Variants in BRWD1 observed in about 807,000 individuals in gnomAD.
The protein encoded by BRWD1 is bromodomain and WD repeat-containing protein 1.
In BRWD1, 82 loss-of-function variants were observed where a neutral mutation model predicts 251.2. The observed-to-expected ratio is 0.33, with a 90% confidence interval of 0.27 to 0.39. The LOEUF (loss-of-function observed/expected upper bound fraction) is 0.39. Among genes scored for constraint, BRWD1 ranks in the 10% least tolerant of loss-of-function variants. The pLI, the probability that BRWD1 is intolerant of heterozygous loss-of-function variation, is 1.00. For synonymous variants in BRWD1, 918 were observed against 902.8 expected, an observed-to-expected ratio of 1.02 and a Z score of -0.30; for missense variants, 2,233 against 2,711.6, an observed-to-expected ratio of 0.82 and a Z score of 3.92.
chr21:39,254,973 A>G (rs950514539), intron 19 of BRWD1, among the ~76,000 whole-genome samples: 2 of 152,214 alleles, frequency 1.3e-5, no homozygotes, highest in African/African-American at 4.8e-5. Context: ...TTAAGGTGTG[A>G]TAACAGCATT....
chr21:39,292,770 A>C (rs562872594), intron 8 of BRWD1, among the ~76,000 whole-genome samples: 1 of 152,344 alleles, frequency 6.6e-6, no homozygotes, highest in South Asian at 2.1e-4. Flanking sequence ...AACTGCATAG[A>C]TAGGTGAAAT....
chr21:39,193,403 A>T lies in BRWD1; in HGVS notation c.*2856T>A. The stretch of plus-strand genomic sequence containing the variant: ...ATAAGTTACTTCACATTGTAAGTAT[A>T]CCTTTTTAAATAAGGAGGACACGAA... On this transcript the variant is annotated 3_prime_UTR_variant, in exon 41 of 41. Transcript: ENST00000342449. 1 of 984,596 alleles carries T rather than the reference A, an allele frequency of 1.0e-6. No homozygotes were observed. Among genetic ancestry groups the T allele is most frequent in the Non-Finnish European group, 1.2e-6 (1 of 829,178 alleles). The allele number at this position is 984,596 out of a possible 1,614,324, so 61.0% of individuals were successfully genotyped here.
intron 23 of BRWD1, among the ~76,000 whole-genome samples, chr21:39,236,235 T>G (rs981832977): frequency 6.6e-6 from 1 of 151,888 alleles, no homozygotes; most frequent in African/African-American, 2.4e-5. Flanking sequence ...AGCAAAGGCC[T>G]CCCCCATAAG....
At chr21:39,257,133 CA>C (rs1187657201) in intron 18 of BRWD1, among the ~76,000 whole-genome samples, 1 of 147,416 alleles carries the variant, frequency 6.8e-6, no homozygotes, top group Non-Finnish European at 1.5e-5. Flanking sequence ...GCATAAGAAA[CA>C]ACCTAAATGC....
chr21:39,246,339 G>C (rs1258720972), intron 21 of BRWD1, among the ~76,000 whole-genome samples: 1 of 152,144 alleles, frequency 6.6e-6, no homozygotes, highest in Non-Finnish European at 1.5e-5. Flanking sequence ...CATTAAGATA[G>C]CATAAATAAA....
intron 31 of BRWD1, chr21:39,216,504 G>A (rs552344332): frequency 9.6e-5 from 15 of 156,288 alleles, no homozygotes; most frequent in South Asian, 1.9e-4. Context: ...TACTCATGTC[G>A]GCTGTGAGAG....
At chr21:39,270,117 A>C in intron 14 of BRWD1, 84 bp from the exon 15 acceptor site, 1 of 1,283,870 alleles carries the variant, frequency 7.8e-7, no homozygotes, top group Non-Finnish European at 1.0e-6. Context: ...TACAGCATAT[A>C]CTTTTAGAAA....
rs2031679247 is a variant in BRWD1, at chr21:39,193,877, G to C, written c.*2382C>G. 3.0e-6 allele frequency: 3 copies of C among 985,290 alleles called. No homozygotes were observed. Among genetic ancestry groups the C allele is most frequent in the Non-Finnish European group, 3.6e-6 (3 of 829,510 alleles). The allele number at this position is 985,290 out of a possible 1,614,324, so 61.0% of individuals were successfully genotyped here. A position where few individuals can be genotyped will look rare whatever the true frequency, so the allele number is the denominator to read the frequency against. On this transcript the variant is annotated 3_prime_UTR_variant, in exon 41 of 41. Coordinates refer to ENST00000342449, the MANE Select transcript of BRWD1 (RefSeq NM_033656.4). Reference sequence around the variant, plus strand: ...TAATTTTCCTTAAAGGTACTTAGGAGTGTGTGTGTCACATATTCAAAGTTA... The same window carrying C: ...TAATTTTCCTTAAAGGTACTTAGGACTGTGTGTGTCACATATTCAAAGTTA...
Position 39,186,866 on chromosome 21 carries a change from A to G in BRWD1, c.*9393T>C. 2 of 1,252,430 alleles carry G rather than the reference A, an allele frequency of 1.6e-6. No individual in the cohort carries two copies. The highest frequency in any genetic ancestry group is 1.5e-5 in the African/African-American group (1 of 64,844). The allele number at this position is 1,252,430 out of a possible 1,614,324, so 77.6% of individuals were successfully genotyped here. A position where few individuals can be genotyped will look rare whatever the true frequency, so the allele number is the denominator to read the frequency against. ...AGAATTCCCCAGAGCACATGTCTGT[A>G]CAAGAGCTGACTGGGAGGAACCCAC... On this transcript the variant is annotated 3_prime_UTR_variant, in exon 41 of 41. Transcript: ENST00000342449.
chr21:39,210,826 G>C lies in BRWD1; in HGVS notation c.4004C>G (p.Ser1335Cys). The C allele has an allele frequency of 1.2e-6, 2 of 1,612,112 alleles. No individual in the cohort carries two copies. Among genetic ancestry groups the C allele is most frequent in the Non-Finnish European group, 1.7e-6 (2 of 1,179,292 alleles). ...ATCAACAGGTTGTCTAAATGGTTCA[G>C]AATCTTCACACTGAAAAATTAAGTT... ...LVNLIFQCEDSEPFRQPVDLV... is the reference protein window; with the variant it reads ...LVNLIFQCEDCEPFRQPVDLV... The change falls in exon 35 of 41, where the codon TCT becomes TGT. Residue 1335 changes from serine (S) to cysteine (C), a missense_variant. By Grantham distance (112) the Ser-to-Cys change is moderately radical. Around this residue, in one of 12 missense-constraint regions of BRWD1, gnomAD observed 5 missense variants for 20.2 expected, o/e 0.25. Coordinates refer to ENST00000342449, the MANE Select transcript of BRWD1 (RefSeq NM_033656.4).
Position 39,195,869 on chromosome 21 carries a change from T to A in BRWD1, c.*390A>T. On this transcript the variant is annotated 3_prime_UTR_variant, in exon 41 of 41. Transcript: ENST00000342449. ...GGTTGTGAAATTGTTGTAACTACTA[T>A]AGAACAGGGGTTAGAAACTACTGCC... 1 of 994,828 alleles carries A rather than the reference T, an allele frequency of 1.0e-6. No individual in the cohort carries two copies. The highest frequency in any genetic ancestry group is 4.6e-5 in the South Asian group (1 of 21,810). The allele number at this position is 994,828 out of a possible 1,614,324, so 61.6% of individuals were successfully genotyped here.
intron 4 of BRWD1, among the ~76,000 whole-genome samples, chr21:39,304,002 G>T (rs1230376979): frequency 6.6e-6 from 1 of 151,566 alleles, no homozygotes; most frequent in African/African-American, 2.4e-5. Context: ...TGAGCCAGGC[G>T]TGGTGGCGGG....
intron 37 of BRWD1, among the ~76,000 whole-genome samples, chr21:39,203,718 T>G (rs1262660411): frequency 6.6e-6 from 1 of 151,104 alleles, no homozygotes; most frequent in Admixed American, 6.6e-5. Flanking sequence ...ACCCTGCTTC[T>G]TAAAACAAAA....
rs775106300 is a variant in BRWD1 at position 39,313,292 on chromosome 21, G to T, written c.57C>A (p.Tyr19Ter). The change falls in exon 2 of 41, where the codon TAC (tyrosine) becomes TAA (stop). Residue 19 changes from tyrosine to a stop codon, truncating the protein, a stop_gained. Transcript: ENST00000342449. LOFTEE classifies it high-confidence loss of function. ...CCGATAGGTACCGGGCGATAAGGAA[G>T]TACAGCTCTGCGGGAAGACAAGGAG... ...RPVPLIESEL[Y>*]FLIARYLSAG... 1 of 1,557,346 alleles carries T rather than the reference G, an allele frequency of 6.4e-7. No individual in the cohort carries two copies. The highest frequency in any genetic ancestry group is 8.7e-7 in the Non-Finnish European group (1 of 1,145,718).
intron 4 of BRWD1, among the ~76,000 whole-genome samples, chr21:39,312,215 TTTA>T (rs770009742): frequency 1.2e-4 from 18 of 152,222 alleles, no homozygotes; most frequent in Non-Finnish European, 2.1e-4. Context: ...TTTAAAGCAC[TTTA>T]TTGTGTTATC....
rs376646018 is a variant in BRWD1 at position 39,309,172 on chromosome 21, C to CA, written c.198+3668dup. On this transcript the variant is annotated intron_variant, in intron 4 of 40. Coordinates refer to ENST00000342449, the MANE Select transcript of BRWD1 (RefSeq NM_033656.4). The stretch of plus-strand genomic sequence containing the variant: ...CTGGCGACAGAGTGAGACTCCATCT[C>CA]AAAAAAAAACAAAACAAAAATCAGG... Among the ~76,000 whole-genome samples the CA allele has an allele frequency of 7.4e-4, 108 of 145,198 alleles. 1 individual carries two copies. The South Asian group carries it at 9.0e-3, about 12-fold the overall frequency.
At chr21:39,273,410 C>T (rs1008266412) in intron 13 of BRWD1, among the ~76,000 whole-genome samples, 1 of 152,058 alleles carries the variant, frequency 6.6e-6, no homozygotes, top group African/African-American at 2.4e-5. Flanking sequence ...CACAAAAAAA[C>T]AAGATCAAAT....
intron 7 of BRWD1, 108 bp downstream of exon 7, chr21:39,295,635 G>T: frequency 1.1e-6 from 1 of 914,600 alleles, no homozygotes; most frequent in Non-Finnish European, 1.6e-6. Flanking sequence ...TACCTACTGA[G>T]TCAAAATCTC....
intron 1 of BRWD1, among the ~76,000 whole-genome samples, chr21:39,319,852 AT>A: frequency 6.6e-6 from 1 of 151,924 alleles, no homozygotes; most frequent in African/African-American, 2.4e-5. Flanking sequence ...CTGTCATTTT[AT>A]TTTTTTCTTT....
Sources: gnomAD v4.1 joint callset for allele counts (sites outside exome capture counted in the v4.1 genomes callset) on GRCh38, gnomAD v4.1.1 for gene constraint, gnomAD v4.1.1 regional missense constraint, MANE v1.5 for transcripts, NCBI Gene and HGNC (gene_info 2026-07-23, HGNC 2026-07-21) for gene names.